The following MTOR variants were observed in gnomAD, a reference collection of about 807,000 sequenced individuals.
The protein encoded by MTOR is mechanistic target of rapamycin kinase, also known as serine/threonine-protein kinase mTOR.
MTOR carries 70 observed loss-of-function variants against 319.8 expected under a neutral mutation model. That is an observed-to-expected ratio of 0.22 (90% CI 0.18 to 0.27). The LOEUF (loss-of-function observed/expected upper bound fraction) is 0.27. MTOR is among the 10% of genes least tolerant of loss of function. MTOR has a pLI of 1.00. For synonymous variants in MTOR, 1,183 were observed against 1,211.4 expected (o/e 0.98, Z 0.49); for missense variants, 1,890 against 3,274.4 (o/e 0.58, Z 10.32).
In MTOR at chr1:11,114,965, C is replaced by T. The variant is rs142089747; in HGVS notation, c.7090-78G>A. The T allele has an allele frequency of 1.1e-4, 135 of 1,208,468 alleles. No homozygotes were observed. In the African/African-American group the frequency reaches 1.8e-3, roughly 16 times the overall value. 74.9% of individuals were successfully genotyped at this position (1,208,468 alleles called of 1,614,324 possible). On this transcript the variant is annotated intron_variant, in intron 51 of 57. Coordinates refer to ENST00000361445, the MANE Select transcript of MTOR (RefSeq NM_004958.4). ...GAGCCAGGTGGAGCAGGTGGCTTTC[C>T]TCTGCATCACCTGCACTGATTTTAA...
Position 11,243,183 on chromosome 1 carries a change from A to C in MTOR, c.1343T>G (p.Phe448Cys). 1 of 1,614,104 alleles carries C rather than the reference A, an allele frequency of 6.2e-7. No homozygotes were observed. Among genetic ancestry groups the C allele is most frequent in the Non-Finnish European group, 8.5e-7 (1 of 1,180,022 alleles). ...CAGCACGCGAGGCAAATAGACCTTA[A>C]ACTCAGACCTCACAGCCACAGAAAG... is the stretch of plus-strand genomic sequence containing the variant. Reference protein sequence around the residue: ...GLLSVAVRSEFKVYLPRVLDI... With the variant: ...GLLSVAVRSECKVYLPRVLDI... The change falls in exon 9 of 58, where the codon TTT (phenylalanine) becomes TGT (cysteine). Residue 448 changes from phenylalanine (F) to cysteine (C), a missense_variant. Physicochemically the swap from Phe to Cys is radical, Grantham distance 205. This residue lies in a region of MTOR where 418 missense variants were observed against 543.1 expected (regional missense o/e 0.77). Transcript: ENST00000361445.
chr1:11,193,799 T>C lies in MTOR; in HGVS notation c.4253+5459A>G, dbSNP rs1227699372. 11 of 1,612,784 alleles carry C rather than the reference T, an allele frequency of 6.8e-6. No homozygotes were observed. The South Asian group carries it at 1.2e-4, about 18-fold the overall frequency. The stretch of plus-strand genomic sequence containing the variant: ...GGTAAGCACAAGGCCAGGGGCCCCA[T>C]GACTGGACCAGTGCCACCACACATG... On this transcript the variant is annotated intron_variant, in intron 28 of 57. Transcript: ENST00000361445.
At chr1:11,171,561 G>A (rs1298099060) in intron 28 of MTOR, among the ~76,000 whole-genome samples, 1 of 151,974 alleles carries the variant, frequency 6.6e-6, no homozygotes, top group Non-Finnish European at 1.5e-5. Context: ...AATTATCACA[G>A]TGCATAAAAA....
At chr1:11,118,927 C>T (rs1480014302) in intron 49 of MTOR, among the ~76,000 whole-genome samples, 1 of 151,912 alleles carries the variant, frequency 6.6e-6, no homozygotes, top group East Asian at 1.9e-4. Context: ...GCACCCCGCC[C>T]ATAGGTGTGG....
At chr1:11,190,412 G>A (rs1433145194) in intron 28 of MTOR, among the ~76,000 whole-genome samples, 1 of 152,168 alleles carries the variant, frequency 6.6e-6, no homozygotes, top group Admixed American at 6.6e-5. Context: ...GAGCATTAAT[G>A]GAATTTTGTG....
At chr1:11,231,564 A>G in intron 16 of MTOR, 130 bp from the exon 17 acceptor site, 1 of 1,137,764 alleles carries the variant, frequency 8.8e-7, no homozygotes, top group East Asian at 2.5e-5. Flanking sequence ...CAGTAAAGAC[A>G]CTAACCATGA....
rs118052626 is a variant in MTOR at position 11,252,721 on chromosome 1, G to A, written c.840+1118C>T. ...CAAGCACTGTGTCTATTATAAGCAG[G>A]AATCCCCGGGGTAAAATTTCACAGC... On this transcript the variant is annotated intron_variant, in intron 6 of 57. Coordinates refer to ENST00000361445, the MANE Select transcript of MTOR (RefSeq NM_004958.4). Among the ~76,000 whole-genome samples the A allele has an allele frequency of 3.7e-4, 56 of 152,240 alleles. No individual in the cohort carries two copies. In the East Asian group the frequency reaches 9.6e-3, roughly 26 times the overall value.
intron 47 of MTOR, among the ~76,000 whole-genome samples, chr1:11,122,587 A>C (rs1024348951): frequency 6.7e-6 from 1 of 148,702 alleles, no homozygotes; most frequent in African/African-American, 2.5e-5. Flanking sequence ...GGTTCACTGC[A>C]ACCTCTGCCT....
intron 28 of MTOR, among the ~76,000 whole-genome samples, chr1:11,171,238 T>C (rs1644804493): frequency 6.6e-6 from 1 of 151,594 alleles, no homozygotes; most frequent in African/African-American, 2.4e-5. Flanking sequence ...TTCTAACAAC[T>C]GTCTTCAATC....
At chr1:11,193,199 C>G (rs1188994995) in intron 28 of MTOR, among the ~76,000 whole-genome samples, 1 of 151,744 alleles carries the variant, frequency 6.6e-6, no homozygotes, top group Non-Finnish European at 1.5e-5. Context: ...CACTCTGGTC[C>G]CAGCTACTAG....
intron 13 of MTOR, among the ~76,000 whole-genome samples, chr1:11,234,688 T>C (rs1385689724): frequency 6.6e-6 from 1 of 152,072 alleles, no homozygotes; most frequent in Non-Finnish European, 1.5e-5. Flanking sequence ...CTACAAATAA[T>C]GGCAAAGGAA....
At chr1:11,144,616 G>A (rs1643866594) in intron 34 of MTOR, 32 bp downstream of exon 34, 1 of 1,600,514 alleles carries the variant, frequency 6.2e-7, no homozygotes, top group South Asian at 1.1e-5. Flanking sequence ...GTAGGGGTAG[G>A]TGGGTGAACT....
Position 11,128,577 on chromosome 1 carries a change from G to A in MTOR, c.5812-25C>T, listed in dbSNP as rs1044817385. 7.5e-6 allele frequency: 12 copies of A among 1,598,438 alleles called. No homozygotes were observed. In the Admixed American group the frequency reaches 8.3e-5, roughly 11 times the overall value. On this transcript the variant is annotated intron_variant, in intron 41 of 57. Coordinates refer to ENST00000361445, the MANE Select transcript of MTOR (RefSeq NM_004958.4). The surrounding 1 kb of genome is among the most constrained non-coding windows in gnomAD (Gnocchi z 5.3). ...CCTGGTATTCAAAAAGACACAGTAT[G>A]TAGCATATGAGACTTGAAACAACTA...
chr1:11,130,587 T>G lies in MTOR; in HGVS notation c.5555A>C (p.Glu1852Ala), dbSNP rs1368558041. The change falls in exon 39 of 58, where the codon GAG (glutamate) becomes GCG (alanine). Residue 1852 changes from glutamate to alanine, a missense_variant. Physicochemically the swap from Glu to Ala is moderately radical, Grantham distance 107. This residue lies in a region of MTOR where 91 missense variants were observed against 90.4 expected (regional missense o/e 1.01). Transcript: ENST00000361445. ...GGGGCTGTTCTCGGTGCTCTCGGCCTCGCTCTCACTGTTGCTGCCCTCGGT... is the reference window on the plus strand; with the variant it reads ...GGGGCTGTTCTCGGTGCTCTCGGCCGCGCTCTCACTGTTGCTGCCCTCGGT... ...ASTEGSNSESEAESTENSPTP... is the reference protein window; with the variant it reads ...ASTEGSNSESAAESTENSPTP... 1.2e-6 allele frequency: 2 copies of G among 1,613,736 alleles called. No homozygotes were observed. Among genetic ancestry groups the G allele is most frequent in the Non-Finnish European group, 1.7e-6 (2 of 1,180,016 alleles).
intron 28 of MTOR, among the ~76,000 whole-genome samples, chr1:11,170,992 C>T (rs1193840087): frequency 2.0e-5 from 3 of 151,586 alleles, no homozygotes; most frequent in Admixed American, 1.3e-4. Flanking sequence ...GTCAGGAGTT[C>T]GAGACCAGTC....
chr1:11,130,211 C>A (rs1287251465), intron 39 of MTOR, among the ~76,000 whole-genome samples: 2 of 152,160 alleles, frequency 1.3e-5, no homozygotes, highest in Non-Finnish European at 1.5e-5. Flanking sequence ...ACCTCCCAAG[C>A]CCCATCCTCA....
At chr1:11,184,365 C>T (rs1269190037) in intron 28 of MTOR, among the ~76,000 whole-genome samples, 4 of 152,090 alleles carry the variant, frequency 2.6e-5, no homozygotes, top group African/African-American at 4.8e-5. Flanking sequence ...CAAATGACCC[C>T]GTCAGGGTAT....
intron 36 of MTOR, among the ~76,000 whole-genome samples, chr1:11,135,372 T>C (rs752293157): frequency 6.6e-6 from 1 of 151,764 alleles, no homozygotes; most frequent in Non-Finnish European, 1.5e-5. Context: ...AATGGAAAAA[T>C]GGCAAAATCT....
chr1:11,240,919 T>TA (rs1647918609), intron 10 of MTOR, among the ~76,000 whole-genome samples: 1 of 152,046 alleles, frequency 6.6e-6, no homozygotes, highest in South Asian at 2.1e-4. Context: ...TTGCAAATAT[T>TA]TATTGAGTAC....
Sources: allele counts gnomAD v4.1 joint callset (sites outside exome capture counted in the v4.1 genomes callset), GRCh38; gene constraint gnomAD v4.1.1; regional missense constraint gnomAD v4.1.1; non-coding constraint Gnocchi (gnomAD v3.1); transcripts MANE v1.5; gene names NCBI Gene and HGNC (gene_info 2026-07-23, HGNC 2026-07-21).